Variants in TTC23 observed in about 807,000 individuals in gnomAD.
TTC23 encodes tetratricopeptide repeat protein 23.
TTC23 carries 58 observed loss-of-function variants against 55.1 expected under a neutral mutation model. That is an observed-to-expected ratio of 1.05 (90% CI 0.85 to 1.31). TTC23 has a LOEUF of 1.31. TTC23 is among the 50% of genes most tolerant of loss of function. The probability of loss-of-function intolerance (pLI) is 0.00; values close to 1 mark genes in which losing one functional copy is unlikely to be tolerated. For missense variants in TTC23, 516 were observed against 534.4 expected (o/e 0.97, Z 0.34); for synonymous variants, 203 against 199.9 (o/e 1.02, Z -0.13).
chr15:99,228,039 C>T (rs999429154), intron 5 of TTC23, among the ~76,000 whole-genome samples: 15 of 152,212 alleles, frequency 9.9e-5, no homozygotes, highest in Admixed American at 5.2e-4. Context: ...TGTGGCTTTT[C>T]CTTCTGTGCC....
At chr15:99,202,094 T>C (rs1179718716) in intron 8 of TTC23, among the ~76,000 whole-genome samples, 2 of 152,200 alleles carry the variant, frequency 1.3e-5, no homozygotes, top group South Asian at 2.1e-4. Flanking sequence ...CAAGAGTTCA[T>C]TGGTTGCCAC....
intron 12 of TTC23, among the ~76,000 whole-genome samples, chr15:99,151,116 C>T (rs2069668491): frequency 6.6e-6 from 1 of 152,218 alleles, no homozygotes; most frequent in Non-Finnish European, 1.5e-5. Flanking sequence ...TGGTCTGGGA[C>T]ATTTTTAAGG....
intron 10 of TTC23, among the ~76,000 whole-genome samples, chr15:99,172,579 C>A (rs1018100122): frequency 2.6e-5 from 4 of 152,200 alleles, no homozygotes; most frequent in Admixed American, 1.3e-4. Flanking sequence ...GGGTTCATAT[C>A]TTTACCACTC....
At chr15:99,224,468 T>C (rs1415237615) in intron 5 of TTC23, among the ~76,000 whole-genome samples, 2 of 152,240 alleles carry the variant, frequency 1.3e-5, no homozygotes, top group Non-Finnish European at 2.9e-5. Flanking sequence ...TCTTCTATGA[T>C]ATAAGTTTGA....
chr15:99,221,869 T>A lies in TTC23; in HGVS notation c.181-5A>T, dbSNP rs757425870. ...CTCATGGACGGCCTGTTTGTACTGT[T>A]AGGAAGAGAAAACAGGCTTACCAGT... On this transcript the variant is annotated splice_region_variant and splice_polypyrimidine_tract_variant and intron_variant, in intron 5 of 13. Transcript: ENST00000394132. 3 of 1,613,560 alleles carry A rather than the reference T, an allele frequency of 1.9e-6. No homozygotes were observed. The Admixed American group carries it at 5.0e-5, about 27-fold the overall frequency.
At chr15:99,160,763 C>T in intron 11 of TTC23, 1 of 152,242 alleles carries the variant, frequency 6.6e-6, no homozygotes, top group Non-Finnish European at 1.5e-5. Flanking sequence ...GCCTGTAATC[C>T]CAGCACTTTG....
chr15:99,250,055 G>A (rs929640695), upstream of TTC23, among the ~76,000 whole-genome samples: 4 of 152,088 alleles, frequency 2.6e-5, no homozygotes, highest in Non-Finnish European at 5.9e-5. Flanking sequence ...CTGTTCTACT[G>A]TTAATCTTTT....
intron 9 of TTC23, among the ~76,000 whole-genome samples, chr15:99,185,743 A>G (rs2074599682): frequency 6.6e-6 from 1 of 152,200 alleles, no homozygotes; most frequent in Non-Finnish European, 1.5e-5. Context: ...AAACAATCAC[A>G]TTTGCATGGT....
chr15:99,182,053 T>A (rs915537535), intron 9 of TTC23, among the ~76,000 whole-genome samples: 4 of 152,178 alleles, frequency 2.6e-5, no homozygotes, highest in Non-Finnish European at 5.9e-5. Flanking sequence ...CTTAATTAGA[T>A]TTTTAAATGA....
At chr15:99,148,826 T>A (rs1197143870) in intron 12 of TTC23, 1 of 152,236 alleles carries the variant, frequency 6.6e-6, no homozygotes, top group Non-Finnish European at 1.5e-5. Flanking sequence ...AATTCTGTGA[T>A]TTTCCCCTGC....
At chr15:99,151,807 T>TATA (rs2069798163) in intron 12 of TTC23, among the ~76,000 whole-genome samples, 1 of 152,192 alleles carries the variant, frequency 6.6e-6, no homozygotes, top group Non-Finnish European at 1.5e-5. Flanking sequence ...GGCCCTGTAG[T>TATA]ATACACTGTG....
intron 11 of TTC23, 39 bp downstream of exon 11, chr15:99,161,701 C>T (rs2151896953): frequency 6.3e-7 from 1 of 1,592,076 alleles, no homozygotes; most frequent in South Asian, 1.2e-5. Flanking sequence ...TGGATATCAA[C>T]TGTGAATAAC....
chr15:99,219,069 G>A, intron 6 of TTC23, 21 bp from the exon 7 acceptor site: 1 of 1,611,946 alleles, frequency 6.2e-7, no homozygotes, highest in Non-Finnish European at 8.5e-7. Flanking sequence ...AGAAAAAGAG[G>A]TCTCAGTTTC....
chr15:99,201,022 C>T (rs892377436), intron 8 of TTC23, among the ~76,000 whole-genome samples: 1 of 152,196 alleles, frequency 6.6e-6, no homozygotes, highest in African/African-American at 2.4e-5. Flanking sequence ...ATCTAATTTG[C>T]ATGTACACAT....
chr15:99,161,935 T>C (rs2071432140), intron 10 of TTC23, 68 bp from the exon 11 acceptor site: 2 of 1,508,858 alleles, frequency 1.3e-6, no homozygotes, highest in East Asian at 2.3e-5. Context: ...AGAATAAATA[T>C]ACTGTTAGCA....
At chr15:99,171,183 G>T (rs1009029618) in intron 10 of TTC23, among the ~76,000 whole-genome samples, 1 of 152,262 alleles carries the variant, frequency 6.6e-6, no homozygotes, top group Non-Finnish European at 1.5e-5. Context: ...CACCTTTAAG[G>T]CCTCAGTAAG....
chr15:99,208,439 G>A (rs545672010), intron 8 of TTC23, among the ~76,000 whole-genome samples: 1 of 152,232 alleles, frequency 6.6e-6, no homozygotes, highest in East Asian at 1.9e-4. Flanking sequence ...GCTTAGTAGT[G>A]TGTATACTAT....
At chr15:99,204,138 C>T (rs1054679114) in intron 8 of TTC23, among the ~76,000 whole-genome samples, 12 of 152,112 alleles carry the variant, frequency 7.9e-5, no homozygotes, top group African/African-American at 2.9e-4. Flanking sequence ...CCCCTTTCTC[C>T]ACATCCTCAC....
At position 99,243,737 on chromosome 15, in the gene TTC23, A is replaced by G. The variant is rs2080001376; in HGVS notation, c.-309+1652T>C. The stretch of plus-strand genomic sequence containing the variant: ...CCAGGCAGAGAGAGACAAATTTTGT[A>G]TGTTCTCACTCATTTATGAGAGCTA... On this transcript the variant is annotated intron_variant, in intron 2 of 13. Transcript: ENST00000394132. 2.6e-5 allele frequency among the ~76,000 whole-genome samples: 4 copies of G among 152,348 alleles called. No individual in the cohort carries two copies. In the South Asian group the frequency reaches 8.3e-4, roughly 32 times the overall value.
Sources: allele counts gnomAD v4.1 joint callset (sites outside exome capture counted in the v4.1 genomes callset), GRCh38; gene constraint gnomAD v4.1.1; transcripts MANE v1.5; gene names NCBI Gene and HGNC (gene_info 2026-07-23, HGNC 2026-07-21).